Variants in RAB11FIP4 observed in about 807,000 individuals in gnomAD.
RAB11FIP4 encodes rab11 family-interacting protein 4.
RAB11FIP4 carries 23 observed loss-of-function variants against 74.3 expected under a neutral mutation model. The observed-to-expected ratio is 0.31, with a 90% CI of 0.22 to 0.44. The LOEUF is 0.44. Among genes scored for constraint, RAB11FIP4 ranks in the 20% least tolerant of loss-of-function variants. The pLI is 1.00. For synonymous variants in RAB11FIP4, 360 were observed against 359.9 expected, an observed-to-expected ratio of 1.00 and a Z score of 0.00; for missense variants, 630 against 863.9, an observed-to-expected ratio of 0.73 and a Z score of 3.39.
At chr17:31,511,411 C>T (rs2072450252) in intron 3 of RAB11FIP4, among the ~76,000 whole-genome samples, 1 of 152,224 alleles carries the variant, frequency 6.6e-6, no homozygotes, top group Non-Finnish European at 1.5e-5. Flanking sequence ...GACAGTCAGG[C>T]AGTGACCACA....
chr17:31,495,576 G>T (rs934840832), intron 3 of RAB11FIP4, among the ~76,000 whole-genome samples: 1 of 151,940 alleles, frequency 6.6e-6, no homozygotes, highest in Non-Finnish European at 1.5e-5. Flanking sequence ...CACCCATGCT[G>T]GTCTCAAACT....
At chr17:31,401,438 G>A (rs370274695) in intron 1 of RAB11FIP4, among the ~76,000 whole-genome samples, 2 of 152,250 alleles carry the variant, frequency 1.3e-5, no homozygotes, top group Non-Finnish European at 2.9e-5. Flanking sequence ...GGCAGGATGA[G>A]CAGAGCAGCC....
At chr17:31,525,386 C>T (rs575501090) in intron 10 of RAB11FIP4, 156 bp downstream of exon 10, 27 of 702,556 alleles carry the variant, frequency 3.8e-5, no homozygotes, top group East Asian at 2.5e-4. Context: ...TTTAATACCA[C>T]GAGAAACACA....
chr17:31,520,094 CA>C (rs10612669), intron 4 of RAB11FIP4, among the ~76,000 whole-genome samples: 21,550 of 91,628 alleles, frequency 0.24, 1,208 homozygotes, highest in South Asian at 0.29. Flanking sequence ...ACTCTGTCTC[CA>C]AAAAAAAAAA....
At chr17:31,449,727 TGGGGG>T (rs541954890) in intron 3 of RAB11FIP4, among the ~76,000 whole-genome samples, 262 of 151,934 alleles carry the variant, frequency 1.7e-3, no homozygotes, top group Non-Finnish European at 2.6e-3. Flanking sequence ...TTTGTAGAGA[TGGGGG>T]TCTTGTTCTG....
intron 14 of RAB11FIP4, 84 bp from the exon 15 acceptor site, chr17:31,531,532 G>A: frequency 2.3e-6 from 2 of 880,084 alleles, no homozygotes; most frequent in South Asian, 1.5e-5. Context: ...TCAGGCACTG[G>A]CCTGCGACAA....
intron 3 of RAB11FIP4, among the ~76,000 whole-genome samples, chr17:31,448,248 C>CA (rs2071488022): frequency 6.6e-6 from 1 of 151,416 alleles, no homozygotes; most frequent in South Asian, 2.1e-4. Context: ...TTTTCCTTTT[C>CA]TTTTTTTTAA....
intron 1 of RAB11FIP4, among the ~76,000 whole-genome samples, chr17:31,414,227 G>A (rs1474128485): frequency 6.6e-6 from 1 of 151,596 alleles, no homozygotes; most frequent in East Asian, 1.9e-4. Context: ...GCCTCTGGGC[G>A]TGTGGCAGTA....
At chr17:31,462,879 G>T (rs995181598) in intron 3 of RAB11FIP4, among the ~76,000 whole-genome samples, 3 of 151,986 alleles carry the variant, frequency 2.0e-5, no homozygotes, top group African/African-American at 7.2e-5. Context: ...CAAATGATCC[G>T]CCCGCCTCGG....
Position 31,522,046 on chromosome 17 carries a change from A to G in RAB11FIP4, c.890A>G (p.Asn297Ser). 1 of 1,614,024 alleles carries G rather than the reference A, an allele frequency of 6.2e-7. No individual in the cohort carries two copies. ...GCCCGACTGAAAAACCTGAAGGCCA[A>G]CAGGTGAGGCCCAGGCCCAGCTGGG... ...LEARLKNLKA[N>S]SPNRKISSTA... Residue 297 changes from asparagine to serine, a missense_variant, in exon 6 of 15, where the codon AAC becomes AGC. Transcript: ENST00000621161.
Position 31,521,803 on chromosome 17 carries a change from G to A in RAB11FIP4, c.759-112G>A, listed in dbSNP as rs755298473. ...TATTTCCACTCCCTGCCCCTCCCCC[G>A]TAACAAGGTTCAAAGGTACTGGGGA... On this transcript the variant is annotated intron_variant, in intron 5 of 14. Transcript: ENST00000621161. 82 of 1,262,634 alleles carry A rather than the reference G, an allele frequency of 6.5e-5. 2 individuals carry two copies. The highest frequency in any genetic ancestry group is 3.7e-4 in the South Asian group (27 of 72,476). 78.2% of individuals were successfully genotyped at this position (1,262,634 alleles called of 1,614,324 possible).
intron 9 of RAB11FIP4, chr17:31,524,754 G>T (rs2072732283): frequency 8.6e-6 from 3 of 347,442 alleles, no homozygotes; most frequent in African/African-American, 4.3e-5. Flanking sequence ...TAATCAGAGG[G>T]GTGGCCGGGA....
chr17:31,468,037 G>C (rs967764119), intron 3 of RAB11FIP4, among the ~76,000 whole-genome samples: 3 of 152,154 alleles, frequency 2.0e-5, no homozygotes, highest in Admixed American at 2.0e-4. Flanking sequence ...GTTTATTCGG[G>C]GTGAGCTGCG....
At chr17:31,456,608 C>T (rs903422044) in intron 3 of RAB11FIP4, among the ~76,000 whole-genome samples, 1 of 152,236 alleles carries the variant, frequency 6.6e-6, no homozygotes, top group African/African-American at 2.4e-5. Context: ...TAACTATCCC[C>T]TTGCTGTCCT....
intron 1 of RAB11FIP4, among the ~76,000 whole-genome samples, chr17:31,402,703 G>GC (rs201808651): frequency 0.023 from 3,455 of 151,482 alleles, 131 homozygotes; most frequent in African/African-American, 0.08. Context: ...CTCACTGCAA[G>GC]CTCTGCCTCC....
intron 1 of RAB11FIP4, among the ~76,000 whole-genome samples, chr17:31,414,235 G>T (rs2071126448): frequency 6.6e-6 from 1 of 150,868 alleles, no homozygotes; most frequent in African/African-American, 2.4e-5. Flanking sequence ...GCGTGTGGCA[G>T]TATTAACAGT....
intron 3 of RAB11FIP4, among the ~76,000 whole-genome samples, chr17:31,439,523 G>A (rs550170530): frequency 1.5e-4 from 23 of 152,156 alleles, no homozygotes; most frequent in Non-Finnish European, 2.6e-4. Flanking sequence ...CTGCTTTTAC[G>A]AATTAGCTAT....
intron 1 of RAB11FIP4, among the ~76,000 whole-genome samples, chr17:31,409,661 C>G (rs966560201): frequency 6.6e-6 from 1 of 152,212 alleles, no homozygotes; most frequent in Non-Finnish European, 1.5e-5. Context: ...GCATTTATTT[C>G]TGTGATTCTC....
intron 1 of RAB11FIP4, among the ~76,000 whole-genome samples, chr17:31,416,442 G>A (rs772322094): frequency 5.3e-5 from 8 of 152,200 alleles, no homozygotes; most frequent in Non-Finnish European, 1.0e-4. Flanking sequence ...GTCTCAGGCC[G>A]GTGTTGCTGA....
Sources: allele counts gnomAD v4.1 joint callset (sites outside exome capture counted in the v4.1 genomes callset), GRCh38; gene constraint gnomAD v4.1.1; transcripts MANE v1.5; gene names NCBI Gene and HGNC (gene_info 2026-07-23, HGNC 2026-07-21).